Variants in CUL2 observed in about 807,000 individuals in gnomAD.
CUL2 encodes cullin 2.
A neutral mutation model predicts 110.2 loss-of-function variants in CUL2; 22 were observed. That is an observed-to-expected ratio of 0.20 (90% CI 0.14 to 0.28). The LOEUF (loss-of-function observed/expected upper bound fraction) is 0.28, where lower values mean the gene tolerates loss of function less well. CUL2 is among the 10% of genes least tolerant of loss of function. CUL2 has a pLI of 1.00. For missense variants in CUL2, 631 were observed against 905.5 expected (o/e 0.70, Z 3.89); for synonymous variants, 279 against 293.2 (o/e 0.95, Z 0.49).
chr10:35,031,719 G>A lies in CUL2; in HGVS notation c.1171-100C>T, dbSNP rs932420218. ...TGATACAAGGTAAGATCAGCGGACAGAATTTTTGCTGTTTTTTTTAGAGAC... is the reference window on the plus strand; with the variant it reads ...TGATACAAGGTAAGATCAGCGGACAAAATTTTTGCTGTTTTTTTTAGAGAC... On this transcript the variant is annotated intron_variant, in intron 12 of 20. Coordinates refer to ENST00000374749, the MANE Select transcript of CUL2 (RefSeq NM_003591.4). This position sits in a 1 kb window ranked among gnomAD's most constrained non-coding sequence, Gnocchi z 4.4. 63 of 1,333,242 alleles carry A rather than the reference G, an allele frequency of 4.7e-5. No homozygotes were observed. The highest frequency in any genetic ancestry group is 6.0e-5 in the Non-Finnish European group (58 of 961,356). The allele number at this position is 1,333,242 out of a possible 1,614,324, so 82.6% of individuals were successfully genotyped here. A position where few individuals can be genotyped will look rare whatever the true frequency, so the allele number is the denominator to read the frequency against.
upstream of CUL2, chr10:35,126,826 C>T (rs1239496567): frequency 6.6e-6 from 1 of 152,364 alleles, no homozygotes; most frequent in East Asian, 1.9e-4. Flanking sequence ...CTTCCCGCCG[C>T]CCCTCCCCGG....
At chr10:35,028,158 T>A (rs1260002526) in intron 16 of CUL2, among the ~76,000 whole-genome samples, 1 of 152,226 alleles carries the variant, frequency 6.6e-6, no homozygotes, top group Admixed American at 6.5e-5. Context: ...CCCCATCCAA[T>A]GAATGTCTGC....
At chr10:35,110,211 G>T (rs1443509106) in intron 1 of CUL2, among the ~76,000 whole-genome samples, 1 of 152,202 alleles carries the variant, frequency 6.6e-6, no homozygotes, top group Middle Eastern at 3.2e-3. Context: ...TAGGAACAAG[G>T]AGGTATAATT....
At chr10:35,060,309 A>G (rs1035533552) in intron 4 of CUL2, among the ~76,000 whole-genome samples, 4 of 152,182 alleles carry the variant, frequency 2.6e-5, no homozygotes, top group African/African-American at 9.6e-5. Context: ...GAAAAATAGA[A>G]AAAGAAAGAG....
chr10:35,028,591 T>G (rs972139276), intron 16 of CUL2, among the ~76,000 whole-genome samples: 34 of 152,210 alleles, frequency 2.2e-4, no homozygotes, highest in Non-Finnish European at 1.3e-4. Flanking sequence ...AGAGACATGC[T>G]TTGACAAAGA....
chr10:35,034,251 A>G (rs2085560357), intron 10 of CUL2, among the ~76,000 whole-genome samples: 1 of 152,250 alleles, frequency 6.6e-6, no homozygotes, highest in Admixed American at 6.5e-5. Flanking sequence ...TGGAATCTAT[A>G]AACGTAATAA....
intron 4 of CUL2, among the ~76,000 whole-genome samples, chr10:35,057,367 A>ACTTTATTTT (rs2086263417): frequency 1.3e-5 from 2 of 151,862 alleles, no homozygotes; most frequent in Admixed American, 1.3e-4. Context: ...GTTTTAAAAT[A>ACTTTATTTT]AAGTCATGGC....
chr10:35,087,944 C>G (rs908342404), intron 1 of CUL2, among the ~76,000 whole-genome samples: 7 of 152,170 alleles, frequency 4.6e-5, no homozygotes, highest in African/African-American at 1.7e-4. Context: ...CTAGGGTCCA[C>G]CTTAAGCCAA....
At chr10:35,035,354 T>C (rs2085594335) in intron 9 of CUL2, 58 bp from the exon 10 acceptor site, 3 of 1,579,842 alleles carry the variant, frequency 1.9e-6, no homozygotes, top group South Asian at 1.1e-5. Context: ...TATTAGGTAA[T>C]ATATGGATCC....
rs565119243 is a variant in CUL2 at position 35,026,354 on chromosome 10, AT to A, written c.1618-1157del. Among the ~76,000 whole-genome samples the A allele has an allele frequency of 2.8e-3, 424 of 152,362 alleles. 1 individual carries two copies. Among genetic ancestry groups the A allele is most frequent in the African/African-American group, 9.7e-3 (405 of 41,584 alleles). ...TAACTAATAACTCCCAGGGATATCA[AT>A]AAAATTCAATCACTACTATATAATT... is the stretch of plus-strand genomic sequence containing the variant. On this transcript the variant is annotated intron_variant, in intron 16 of 20. Coordinates refer to ENST00000374749, the MANE Select transcript of CUL2 (RefSeq NM_003591.4).
intron 2 of CUL2, among the ~76,000 whole-genome samples, chr10:35,064,481 TTCA>T (rs950582296): frequency 8.5e-5 from 13 of 152,190 alleles, no homozygotes; most frequent in Non-Finnish European, 1.8e-4. Flanking sequence ...TAGCCTATTC[TTCA>T]TCAACTCCAT....
intron 4 of CUL2, among the ~76,000 whole-genome samples, chr10:35,059,787 C>T (rs528829686): frequency 6.6e-6 from 1 of 152,264 alleles, no homozygotes; most frequent in African/African-American, 2.4e-5. Context: ...GGTTTAAATC[C>T]TGCCTTTGTG....
intron 4 of CUL2, among the ~76,000 whole-genome samples, chr10:35,057,385 G>A (rs2086263735): frequency 6.6e-6 from 1 of 151,618 alleles, no homozygotes. Context: ...GGCCAGGCAC[G>A]GTGGCTCATG....
intron 1 of CUL2, among the ~76,000 whole-genome samples, chr10:35,089,387 T>TGAAA (rs1236387965): frequency 6.6e-6 from 1 of 152,240 alleles, no homozygotes; most frequent in East Asian, 1.9e-4. Context: ...ATCAAAGTGA[T>TGAAA]TATTTCCGAT....
intron 1 of CUL2, among the ~76,000 whole-genome samples, chr10:35,105,045 T>C (rs894837221): frequency 2.6e-5 from 4 of 151,388 alleles, no homozygotes; most frequent in Non-Finnish European, 5.9e-5. Context: ...CTCTTAAAGA[T>C]ATATTCAGGC....
intron 6 of CUL2, among the ~76,000 whole-genome samples, chr10:35,048,945 T>G (rs2086020988): frequency 6.6e-6 from 1 of 152,174 alleles, no homozygotes. Context: ...TAGGTCTTCT[T>G]GATGAGCACA....
At chr10:35,081,149 A>G (rs2086939506) in intron 1 of CUL2, among the ~76,000 whole-genome samples, 1 of 152,134 alleles carries the variant, frequency 6.6e-6, no homozygotes, top group Non-Finnish European at 1.5e-5. Context: ...GCTTGAGCAA[A>G]GGAGACTTCA....
chr10:35,033,382 T>C (rs1445046591), intron 10 of CUL2, 109 bp from the exon 11 acceptor site: 6 of 704,340 alleles, frequency 8.5e-6, no homozygotes, highest in Non-Finnish European at 1.5e-5. Context: ...AAATTATGTT[T>C]CACACATGCA....
At chr10:35,047,848 T>C (rs1383478267) in intron 6 of CUL2, among the ~76,000 whole-genome samples, 1 of 151,578 alleles carries the variant, frequency 6.6e-6, no homozygotes, top group Non-Finnish European at 1.5e-5. Flanking sequence ...GAGGCTGCAG[T>C]GAGCTGAAAT....
Sources: gnomAD v4.1 joint callset for allele counts (sites outside exome capture counted in the v4.1 genomes callset) on GRCh38, gnomAD v4.1.1 for gene constraint, Gnocchi (gnomAD v3.1) non-coding constraint, MANE v1.5 for transcripts, NCBI Gene and HGNC (gene_info 2026-07-23, HGNC 2026-07-21) for gene names.